The following CALCRL variants were observed in gnomAD, a reference collection of about 807,000 sequenced individuals.
The protein encoded by CALCRL is calcitonin gene-related peptide type 1 receptor.
CALCRL carries 27 observed loss-of-function variants against 60.4 expected under a neutral mutation model. The observed-to-expected ratio is 0.45, with a 90% CI of 0.33 to 0.62. The LOEUF is 0.62. Ranked by LOEUF, CALCRL falls within the 20% of genes least tolerant of loss-of-function variation. The pLI, the probability that CALCRL is intolerant of heterozygous loss-of-function variation, is 0.03. For missense variants in CALCRL, 424 were observed against 540.7 expected, an observed-to-expected ratio of 0.78 and a Z score of 2.14; for synonymous variants, 190 against 182.6, an observed-to-expected ratio of 1.04 and a Z score of -0.33.
At chr2:187,346,429 A>G (rs1686277397) in intron 14 of CALCRL, 30 bp from the exon 15 acceptor site, 6 of 1,489,978 alleles carry the variant, frequency 4.0e-6, no homozygotes, top group Non-Finnish European at 5.6e-6. Context: ...CAGAAAGAAC[A>G]AGAACAACCC....
intron 1 of CALCRL, among the ~76,000 whole-genome samples, chr2:187,390,986 G>A (rs1472011395): frequency 6.6e-6 from 1 of 152,132 alleles, no homozygotes; most frequent in East Asian, 1.9e-4. Context: ...CGTGGTGAGA[G>A]GTAGTTATGG....
At chr2:187,439,379 A>C (rs1690791107) in intron 1 of CALCRL, among the ~76,000 whole-genome samples, 1 of 152,102 alleles carries the variant, frequency 6.6e-6, no homozygotes, top group Non-Finnish European at 1.5e-5. Context: ...GCTCACACCC[A>C]GGAGACAGAG....
rs1686167377 is a variant in CALCRL at position 187,343,576 on chromosome 2, A to G, written c.*2608T>C. 6.6e-6 allele frequency: 1 copy of G among 151,976 alleles called. No homozygotes were observed. Among genetic ancestry groups the G allele is most frequent in the African/African-American group, 2.4e-5 (1 of 41,414 alleles). 9.4% of individuals were successfully genotyped at this position (151,976 alleles called of 1,614,324 possible). On this transcript the variant is annotated 3_prime_UTR_variant, in exon 15 of 15. Transcript: ENST00000392370. Reference sequence around the variant, plus strand: ...TCCAGAATGAATATTTTATGAATAAATGCATTGGAAATTAACTTTAGGAAA... The same window carrying G: ...TCCAGAATGAATATTTTATGAATAAGTGCATTGGAAATTAACTTTAGGAAA...
At chr2:187,379,559 A>G (rs964692426) in intron 7 of CALCRL, among the ~76,000 whole-genome samples, 5 of 151,910 alleles carry the variant, frequency 3.3e-5, no homozygotes, top group Admixed American at 2.6e-4. Context: ...TCACTTTTTT[A>G]TTTTTATTTG....
chr2:187,414,887 TTTAAA>T (rs1303415920), intron 1 of CALCRL, among the ~76,000 whole-genome samples: 1 of 3,936 alleles, frequency 2.5e-4, no homozygotes, highest in African/African-American at 3.1e-4. Context: ...TTTTTTTTTT[TTTAAA>T]AAAAAAAAGG....
rs758095114 is a variant in CALCRL, at chr2:187,352,264, C to T, written c.978G>A (p.Ala326=). The T allele has an allele frequency of 2.8e-5, 45 of 1,612,038 alleles. 1 individual carries two copies. In the South Asian group the frequency reaches 3.8e-4, roughly 14 times the overall value. Residue 326 remains alanine, a synonymous_variant, in exon 13 of 15, where the codon GCG becomes GCA. Transcript: ENST00000392370. The part of the protein sequence containing the change: ...LITKLKVTHQ[A]ESNLYMKAVR... ...CAGCTTTCATGTACAGATTGGATTC[C>T]GCTTGGTGTGTAACTTTTAACTTGG...
At chr2:187,355,001 G>A (rs1380700969) in intron 12 of CALCRL, among the ~76,000 whole-genome samples, 1 of 151,992 alleles carries the variant, frequency 6.6e-6, no homozygotes, top group Non-Finnish European at 1.5e-5. Context: ...GCTCTCCTCA[G>A]AGTAGAAGCA....
intron 14 of CALCRL, 54 bp downstream of exon 14, chr2:187,351,866 G>T: frequency 9.3e-7 from 1 of 1,072,286 alleles, no homozygotes; most frequent in Non-Finnish European, 1.4e-6. Context: ...TACATGGATA[G>T]ATAGACAGAT....
At chr2:187,390,455 G>T (rs1402656235) in intron 1 of CALCRL, among the ~76,000 whole-genome samples, 1 of 151,962 alleles carries the variant, frequency 6.6e-6, no homozygotes, top group East Asian at 1.9e-4. Context: ...ATATTGAGGG[G>T]CAAAGTGCTT....
intron 8 of CALCRL, among the ~76,000 whole-genome samples, chr2:187,368,796 C>CA (rs1687403510): frequency 6.6e-6 from 1 of 152,106 alleles, no homozygotes; most frequent in Non-Finnish European, 1.5e-5. Flanking sequence ...ATCTTTTCCC[C>CA]CAAAAAACAC....
chr2:187,407,576 G>C (rs909904491), intron 1 of CALCRL, among the ~76,000 whole-genome samples: 1 of 151,710 alleles, frequency 6.6e-6, no homozygotes, highest in Non-Finnish European at 1.5e-5. Context: ...GTGCATTTTC[G>C]CCTATTAATC....
At chr2:187,381,287 G>T (rs1056927786) in intron 5 of CALCRL, among the ~76,000 whole-genome samples, 2 of 151,844 alleles carry the variant, frequency 1.3e-5, no homozygotes, top group African/African-American at 2.4e-5. Context: ...ACCAAATTCT[G>T]ACTCTTCATT....
Position 187,438,999 on chromosome 2 carries a change from G to A in CALCRL, c.-293+9040C>T, listed in dbSNP as rs539223859. 2.6e-4 allele frequency among the ~76,000 whole-genome samples: 40 copies of A among 152,172 alleles called. No individual in the cohort carries two copies. In the South Asian group the frequency reaches 7.5e-3, roughly 28 times the overall value. On this transcript the variant is annotated intron_variant, in intron 1 of 14. Transcript: ENST00000392370. ...TAAACTCACATGAAGCCAATATCCA[G>A]TTTTCTGTGATTTAGACTCTAGTAT...
At chr2:187,432,603 A>G (rs1690449568) in intron 1 of CALCRL, among the ~76,000 whole-genome samples, 1 of 152,140 alleles carries the variant, frequency 6.6e-6, no homozygotes, top group South Asian at 2.1e-4. Context: ...TTGAAAAATT[A>G]CCTTGTAAAT....
At chr2:187,389,277 T>A (rs890622975) in intron 1 of CALCRL, among the ~76,000 whole-genome samples, 1 of 152,088 alleles carries the variant, frequency 6.6e-6, no homozygotes, top group African/African-American at 2.4e-5. Flanking sequence ...TTCACCATGT[T>A]GGCCAGGCTG....
At chr2:187,437,567 C>T (rs1015744327) in intron 1 of CALCRL, among the ~76,000 whole-genome samples, 2 of 151,694 alleles carry the variant, frequency 1.3e-5, no homozygotes, top group African/African-American at 4.8e-5. Flanking sequence ...ATTTTAAGCT[C>T]CTTAGAATAA....
At chr2:187,379,869 T>C (rs1687915777) in intron 7 of CALCRL, among the ~76,000 whole-genome samples, 1 of 152,132 alleles carries the variant, frequency 6.6e-6, no homozygotes, top group Non-Finnish European at 1.5e-5. Context: ...AAATAAGAAA[T>C]CAGGTTTTAG....
At chr2:187,408,864 C>G (rs371222922) in intron 1 of CALCRL, among the ~76,000 whole-genome samples, 1 of 151,894 alleles carries the variant, frequency 6.6e-6, no homozygotes, top group Admixed American at 6.6e-5. Context: ...ATTCCATTCT[C>G]CTTTTCTCTG....
chr2:187,385,012 G>A (rs1688149112), intron 4 of CALCRL, among the ~76,000 whole-genome samples: 2 of 151,942 alleles, frequency 1.3e-5, no homozygotes, highest in South Asian at 4.2e-4. Context: ...CATGTAGAGG[G>A]GCAGATGAGT....
Sources: gnomAD v4.1 joint callset for allele counts (sites outside exome capture counted in the v4.1 genomes callset) on GRCh38, gnomAD v4.1.1 for gene constraint, MANE v1.5 for transcripts, NCBI Gene and HGNC (gene_info 2026-07-23, HGNC 2026-07-21) for gene names.